Variants in ADGRL3 observed in about 807,000 individuals in gnomAD.
The protein encoded by ADGRL3 is adhesion G protein-coupled receptor L3, also known as calcium-independent alpha-latrotoxin receptor 3.
ADGRL3 carries 62 observed loss-of-function variants against 153.5 expected under a neutral mutation model. The ratio of observed to expected loss-of-function variants is 0.40; its 90% CI spans 0.33 to 0.50. ADGRL3 has a LOEUF of 0.50. Among genes scored for constraint, ADGRL3 ranks in the 20% least tolerant of loss-of-function variants. The pLI, the probability that ADGRL3 is intolerant of heterozygous loss-of-function variation, is 0.47. For missense variants in ADGRL3, 1,641 were observed against 1,859.4 expected (o/e 0.88, Z 2.16); for synonymous variants, 710 against 672.5 (o/e 1.06, Z -0.86).
At chr4:61,721,375 C>A (rs1226402700) in intron 6 of ADGRL3, among the ~76,000 whole-genome samples, 1 of 152,186 alleles carries the variant, frequency 6.6e-6, no homozygotes, top group African/African-American at 2.4e-5. Flanking sequence ...GCCCAAGGGT[C>A]CAAAAGCTGA....
At chr4:61,455,640 A>ATTC (rs888843890) in intron 2 of ADGRL3, among the ~76,000 whole-genome samples, 9 of 151,988 alleles carry the variant, frequency 5.9e-5, no homozygotes, top group African/African-American at 1.9e-4. Context: ...GAACTCTGCT[A>ATTC]TTCTATTTCA....
chr4:61,348,948 T>C (rs1196732327), intron 1 of ADGRL3, among the ~76,000 whole-genome samples: 3 of 152,008 alleles, frequency 2.0e-5, no homozygotes, highest in African/African-American at 7.2e-5. Flanking sequence ...ACCTAAACAG[T>C]TAAAACTATT....
At chr4:61,473,820 G>A (rs1293850891) in intron 2 of ADGRL3, among the ~76,000 whole-genome samples, 1 of 152,114 alleles carries the variant, frequency 6.6e-6, no homozygotes, top group Non-Finnish European at 1.5e-5. Flanking sequence ...TAGATAAGCA[G>A]ACATTTATTG....
chr4:61,618,707 T>G (rs1157690972), intron 5 of ADGRL3, among the ~76,000 whole-genome samples: 1 of 152,158 alleles, frequency 6.6e-6, no homozygotes, highest in Non-Finnish European at 1.5e-5. Flanking sequence ...CTATGATTTT[T>G]CCTTGTTCGT....
intron 5 of ADGRL3, among the ~76,000 whole-genome samples, chr4:61,597,993 G>A (rs2098996161): frequency 1.3e-5 from 2 of 151,994 alleles, no homozygotes; most frequent in Admixed American, 1.3e-4. Context: ...AATTTTCTCT[G>A]CAGAATTTAT....
chr4:61,526,229 G>A (rs1030684321), intron 4 of ADGRL3, among the ~76,000 whole-genome samples: 3 of 152,142 alleles, frequency 2.0e-5, no homozygotes, highest in Non-Finnish European at 4.4e-5. Flanking sequence ...CTAAGTGGAT[G>A]AGAAAATGAT....
chr4:61,956,136 A>G (rs2098965281), intron 17 of ADGRL3, among the ~76,000 whole-genome samples: 1 of 152,152 alleles, frequency 6.6e-6, no homozygotes, highest in South Asian at 2.1e-4. Flanking sequence ...TGGCTGAACT[A>G]ATTTACATTC....
intron 1 of ADGRL3, among the ~76,000 whole-genome samples, chr4:61,255,833 C>T (rs912141789): frequency 1.3e-4 from 20 of 152,136 alleles, no homozygotes; most frequent in Admixed American, 1.2e-3. Flanking sequence ...TTCCTAGCAC[C>T]ATACAAATCA....
chr4:61,735,431 A>C (rs1025244646), intron 8 of ADGRL3, among the ~76,000 whole-genome samples: 1 of 152,200 alleles, frequency 6.6e-6, no homozygotes, highest in South Asian at 2.1e-4. Flanking sequence ...CTCCTAGACC[A>C]ACTCTATTGT....
In ADGRL3 at chr4:61,965,345, A is replaced by G. The variant is rs191793635; in HGVS notation, c.2806-14218A>G. Among the ~76,000 whole-genome samples the G allele has an allele frequency of 1.1e-3, 162 of 152,262 alleles. 2 individuals carry two copies. The highest frequency in any genetic ancestry group is 2.2e-4 in the Non-Finnish European group (15 of 68,028). On this transcript the variant is annotated intron_variant, in intron 17 of 26. Coordinates refer to ENST00000683033, the MANE Select transcript of ADGRL3 (RefSeq NM_001387552.1). ...GGCTATCTCTAGTAAATAAAGTGAT[A>G]AAGTTAGAAAACTACTAGACTCTAC...
intron 1 of ADGRL3, among the ~76,000 whole-genome samples, chr4:61,260,282 T>G (rs2092399489): frequency 6.6e-6 from 1 of 152,206 alleles, no homozygotes; most frequent in South Asian, 2.1e-4. Context: ...ATTATTACCT[T>G]TTACTAAAGT....
intron 2 of ADGRL3, among the ~76,000 whole-genome samples, chr4:61,432,585 T>TTTCTTC (rs1491030571): frequency 4.2e-4 from 1 of 2,380 alleles, no homozygotes; most frequent in Non-Finnish European, 1.3e-3. Context: ...TTTCTTTCTT[T>TTTCTTC]CTTTCTTTCT....
At chr4:61,782,278 C>T (rs536962743) in intron 8 of ADGRL3, among the ~76,000 whole-genome samples, 1 of 152,232 alleles carries the variant, frequency 6.6e-6, no homozygotes, top group South Asian at 2.1e-4. Context: ...CAGTCAGTAG[C>T]ACTTGGCCAT....
At chr4:61,786,162 T>C (rs1346195604) in intron 8 of ADGRL3, among the ~76,000 whole-genome samples, 2 of 152,244 alleles carry the variant, frequency 1.3e-5, no homozygotes, top group South Asian at 2.1e-4. Context: ...TCTACATTCA[T>C]GCTAATAGAA....
chr4:61,821,163 A>C (rs2097751718), intron 9 of ADGRL3, among the ~76,000 whole-genome samples: 1 of 148,548 alleles, frequency 6.7e-6, no homozygotes, highest in Non-Finnish European at 1.5e-5. Flanking sequence ...CTAACAATTG[A>C]AGTTAGACAA....
intron 10 of ADGRL3, among the ~76,000 whole-genome samples, chr4:61,894,716 A>G (rs998162122): frequency 3.3e-5 from 5 of 152,168 alleles, no homozygotes; most frequent in African/African-American, 1.2e-4. Flanking sequence ...ATCTGTGTCC[A>G]TTCTGTTATG....
Position 61,847,856 on chromosome 4 carries a change from ATATATAATATAAAATATAT to A in ADGRL3, c.1480+33974_1480+33992del, listed in dbSNP as rs1428845640. Among the ~76,000 whole-genome samples, 19 of 18,600 alleles carry A rather than the reference ATATATAATATAAAATATAT, an allele frequency of 1.0e-3. 3 individuals carry two copies. Among genetic ancestry groups the A allele is most frequent in the Non-Finnish European group, 2.2e-3 (16 of 7,314 alleles). 12.2% of individuals were successfully genotyped at this position (18,600 alleles called of 152,430 possible). ...ATATATATATAATATAAAATATATT[ATATATAATATAAAATATAT>A]TATATATAATATAAAATATATTATA... On this transcript the variant is annotated intron_variant, in intron 9 of 26. Transcript: ENST00000683033.
chr4:61,810,769 C>A (rs2097605729), intron 8 of ADGRL3, among the ~76,000 whole-genome samples: 1 of 152,022 alleles, frequency 6.6e-6, no homozygotes, highest in Non-Finnish European at 1.5e-5. Context: ...CATTTCAGAA[C>A]AAAAGGTTTT....
At chr4:61,464,682 A>G (rs1305532501) in intron 2 of ADGRL3, among the ~76,000 whole-genome samples, 3 of 152,218 alleles carry the variant, frequency 2.0e-5, no homozygotes, top group Non-Finnish European at 4.4e-5. Context: ...AGGATCAGGA[A>G]CATGAATTGC....
Sources: gnomAD v4.1 joint callset for allele counts (sites outside exome capture counted in the v4.1 genomes callset) on GRCh38, gnomAD v4.1.1 for gene constraint, MANE v1.5 for transcripts, NCBI Gene and HGNC (gene_info 2026-07-23, HGNC 2026-07-21) for gene names.